EXOC4: variants seen among roughly 807,000 people sequenced by gnomAD.
EXOC4 encodes SEC8-like 1.
A neutral mutation model predicts 107.2 loss-of-function variants in EXOC4; 71 were observed. The ratio of observed to expected loss-of-function variants is 0.66; its 90% CI spans 0.55 to 0.81. EXOC4 has a LOEUF of 0.81. Among genes scored for constraint, EXOC4 ranks in the 30% least tolerant of loss-of-function variants. The probability of loss-of-function intolerance (pLI) is 0.00; values close to 1 mark genes in which losing one functional copy is unlikely to be tolerated. For synonymous variants in EXOC4, 456 were observed against 441.2 expected, an observed-to-expected ratio of 1.03 and a Z score of -0.42; for missense variants, 1,108 against 1,189.6, an observed-to-expected ratio of 0.93 and a Z score of 1.01.
intron 9 of EXOC4, among the ~76,000 whole-genome samples, chr7:133,497,765 C>G (rs1319329272): frequency 6.6e-6 from 1 of 152,038 alleles, no homozygotes; most frequent in Non-Finnish European, 1.5e-5. Flanking sequence ...GGGAATCGAA[C>G]CCTGGTCTCC....
At chr7:133,782,953 C>T (rs765268542) in intron 10 of EXOC4, among the ~76,000 whole-genome samples, 16 of 152,278 alleles carry the variant, frequency 1.1e-4, no homozygotes, top group Non-Finnish European at 2.4e-4. Flanking sequence ...ACCCAAATGT[C>T]AAGACAGACT....
At chr7:133,895,488 C>T (rs1469275028) in intron 11 of EXOC4, 111 bp from the exon 12 acceptor site, 1 of 1,103,610 alleles carries the variant, frequency 9.1e-7, no homozygotes, top group Non-Finnish European at 1.3e-6. Flanking sequence ...ATGTCACATT[C>T]TTGCAGGAGA....
At chr7:133,481,057 G>GAAAAAAAAAAAAAA (rs10686907) in intron 9 of EXOC4, 1 of 142,400 alleles carries the variant, frequency 7.0e-6, no homozygotes, top group Non-Finnish European at 1.5e-5. Context: ...CTCAAAAAAA[G>GAAAAAAAAAAAAAA]AAAAAAAAAA....
chr7:133,583,998 G>T (rs1316902221), intron 9 of EXOC4, among the ~76,000 whole-genome samples: 1 of 152,132 alleles, frequency 6.6e-6, no homozygotes, highest in Non-Finnish European at 1.5e-5. Context: ...AAGAAGAAGG[G>T]TTATAAAGGA....
At chr7:133,968,167 T>C (rs892506405) in intron 14 of EXOC4, among the ~76,000 whole-genome samples, 1 of 152,150 alleles carries the variant, frequency 6.6e-6, no homozygotes, top group Non-Finnish European at 1.5e-5. Flanking sequence ...TGCTTTTTTT[T>C]CTCTTTTTTT....
At chr7:133,932,954 T>C (rs1800214414) in intron 13 of EXOC4, among the ~76,000 whole-genome samples, 1 of 151,654 alleles carries the variant, frequency 6.6e-6, no homozygotes. Flanking sequence ...ATAAATAAAA[T>C]GTGATCAGAT....
At chr7:133,901,785 T>C (rs1388146082) in intron 12 of EXOC4, among the ~76,000 whole-genome samples, 3 of 152,196 alleles carry the variant, frequency 2.0e-5, no homozygotes, top group Non-Finnish European at 2.9e-5. Context: ...CTTGCTGGTG[T>C]CTTCCCAGCC....
rs1372754370 is a variant in EXOC4, at chr7:133,604,706, CTTTCTTTTTTTTTTTTTTTTT to C, written c.1418-25335_1418-25315del. ...TTTTTCTTTCCTTCCTTCCTTCCTT[CTTTCTTTTTTTTTTTTTTTTT>C]TTTTTTTTTTTTTTGAGGCAGAGTC... On this transcript the variant is annotated intron_variant, in intron 9 of 17. Transcript: ENST00000253861. Among the ~76,000 whole-genome samples the C allele has an allele frequency of 1.8e-3, 154 of 87,558 alleles. 2 individuals are homozygous for C. Among genetic ancestry groups the C allele is most frequent in the African/African-American group, 6.1e-3 (139 of 22,718 alleles). 57.4% of individuals were successfully genotyped at this position (87,558 alleles called of 152,430 possible).
the EXOC4 span, among the ~76,000 whole-genome samples, chr7:134,093,971 T>C: frequency 2.0e-5 from 3 of 152,086 alleles, no homozygotes; most frequent in Non-Finnish European, 2.9e-5. Context: ...CAAAAAGTTA[T>C]AAAGATCTCA....
chr7:133,499,034 G>A (rs1799529434), intron 9 of EXOC4, among the ~76,000 whole-genome samples: 1 of 149,242 alleles, frequency 6.7e-6, no homozygotes, highest in African/African-American at 2.5e-5. Context: ...GTGTCAATCA[G>A]TATTCTAAAA....
At chr7:133,537,964 T>G (rs1282465324) in intron 9 of EXOC4, among the ~76,000 whole-genome samples, 2 of 152,208 alleles carry the variant, frequency 1.3e-5, no homozygotes, top group Non-Finnish European at 2.9e-5. Flanking sequence ...TTCCTTTCTT[T>G]AGTAGGAACA....
Position 133,518,330 on chromosome 7 carries a change from GA to G in EXOC4, c.1417+38194del, listed in dbSNP as rs1799918819. ...GTTACAGTCTTCTATACTGTCTAAA[GA>G]ATTAAGATTATTCATTCATGCCCTC... On this transcript the variant is annotated intron_variant, in intron 9 of 17. Transcript: ENST00000253861. Among the ~76,000 whole-genome samples the G allele has an allele frequency of 2.1e-5, 3 of 142,814 alleles. No individual in the cohort carries two copies. The South Asian group carries it at 7.1e-4, about 34-fold the overall frequency. The allele number at this position is 142,814 out of a possible 152,430, so 93.7% of individuals were successfully genotyped here. A position where few individuals can be genotyped will look rare whatever the true frequency, so the allele number is the denominator to read the frequency against.
chr7:133,747,692 C>T (rs1317218840), intron 10 of EXOC4, among the ~76,000 whole-genome samples: 1 of 152,028 alleles, frequency 6.6e-6, no homozygotes, highest in Non-Finnish European at 1.5e-5. Context: ...TTCATTTACC[C>T]TTGTCAAAAA....
chr7:133,492,036 G>A (rs868239822), intron 9 of EXOC4, among the ~76,000 whole-genome samples: 3 of 152,184 alleles, frequency 2.0e-5, no homozygotes, highest in Non-Finnish European at 4.4e-5. Context: ...AAGAAGGTTC[G>A]GTTTTTGTCC....
At chr7:134,076,227 A>G in the EXOC4 span, among the ~76,000 whole-genome samples, 16 of 152,320 alleles carry the variant, frequency 1.1e-4, no homozygotes, top group East Asian at 2.3e-3. Flanking sequence ...CTAAAGACAG[A>G]AGCAACAAGG....
chr7:133,655,194 T>TAAAC (rs1803260935), intron 10 of EXOC4, among the ~76,000 whole-genome samples: 1 of 111,082 alleles, frequency 9.0e-6, no homozygotes, highest in Non-Finnish European at 2.0e-5. Flanking sequence ...TAAAATAAAC[T>TAAAC]TTATTTTAAA....
intron 7 of EXOC4, among the ~76,000 whole-genome samples, chr7:133,405,448 T>G (rs1329723344): frequency 9.2e-5 from 14 of 152,192 alleles, no homozygotes. Context: ...ATAAGTATTA[T>G]CAAAAAATAT....
intron 9 of EXOC4, among the ~76,000 whole-genome samples, chr7:133,563,795 C>G (rs917051185): frequency 6.6e-6 from 1 of 152,186 alleles, no homozygotes; most frequent in Non-Finnish European, 1.5e-5. Context: ...TATACTTTTA[C>G]GTGAATTACA....
chr7:133,271,359 T>A (rs540018331), intron 1 of EXOC4, among the ~76,000 whole-genome samples: 1 of 152,322 alleles, frequency 6.6e-6, no homozygotes, highest in East Asian at 1.9e-4. Context: ...GTTCACCGCC[T>A]ACCATTGCTT....
Sources: allele counts gnomAD v4.1 joint callset (sites outside exome capture counted in the v4.1 genomes callset), GRCh38; gene constraint gnomAD v4.1.1; transcripts MANE v1.5; gene names NCBI Gene and HGNC (gene_info 2026-07-23, HGNC 2026-07-21).